The following ST18 variants were observed in gnomAD, a reference collection of about 807,000 sequenced individuals.
ST18 encodes the protein suppression of tumorigenicity 18 protein.
A neutral mutation model predicts 110.0 loss-of-function variants in ST18; 50 were observed. The observed-to-expected ratio is 0.45, with a 90% CI of 0.36 to 0.58. The LOEUF (loss-of-function observed/expected upper bound fraction) is 0.58, where lower values mean the gene tolerates loss of function less well. ST18 is among the 20% of genes least tolerant of loss of function. ST18 has a pLI of 0.00. For missense variants in ST18, 1,306 were observed against 1,280.1 expected (o/e 1.02, Z -0.31); for synonymous variants, 461 against 452.4 (o/e 1.02, Z -0.24).
intron 23 of ST18, 75 bp downstream of exon 23, chr8:52,125,968 AGAATACTTT>A: frequency 1.0e-6 from 1 of 982,640 alleles, no homozygotes; most frequent in Non-Finnish European, 1.5e-6. Context: ...TCCCACCTAG[AGAATACTTT>A]GACACACGGA....
At chr8:52,377,200 AT>A (rs1832746270) in intron 2 of ST18, among the ~76,000 whole-genome samples, 2 of 152,356 alleles carry the variant, frequency 1.3e-5, no homozygotes, top group East Asian at 1.9e-4. Context: ...TAGAAAAAAA[AT>A]AATTATATTA....
intron 8 of ST18, among the ~76,000 whole-genome samples, chr8:52,189,516 C>T (rs1240023330): frequency 6.6e-6 from 1 of 152,172 alleles, no homozygotes; most frequent in Non-Finnish European, 1.5e-5. Flanking sequence ...TGATTCTTGG[C>T]TTTTTGTCTC....
Position 52,364,006 on chromosome 8 carries a change from C to A in ST18, c.-465+45322G>T, listed in dbSNP as rs190815199. On this transcript the variant is annotated intron_variant, in intron 2 of 25. Transcript: ENST00000689386. The stretch of plus-strand genomic sequence containing the variant: ...TTGACAGTATTTTTCAAGATCCCCA[C>A]AACTTGAAAGGACTGTGGTATCGAT... Among the ~76,000 whole-genome samples, 619 of 152,314 alleles carry A rather than the reference C, an allele frequency of 4.1e-3. 4 individuals are homozygous for A. The highest frequency in any genetic ancestry group is 0.01 in the Middle Eastern group (3 of 294).
At chr8:52,113,832 C>T (rs1043001735) in intron 25 of ST18, among the ~76,000 whole-genome samples, 1 of 151,964 alleles carries the variant, frequency 6.6e-6, no homozygotes, top group African/African-American at 2.4e-5. Flanking sequence ...TTTTCCTCCT[C>T]CATCCTCAGA....
At chr8:52,400,969 G>T (rs1473986974) in intron 2 of ST18, among the ~76,000 whole-genome samples, 2 of 152,004 alleles carry the variant, frequency 1.3e-5, no homozygotes, top group Non-Finnish European at 2.9e-5. Flanking sequence ...TTTGTTTCTG[G>T]TTAAACAATT....
chr8:52,354,493 G>A (rs1371585213), intron 2 of ST18, among the ~76,000 whole-genome samples: 1 of 152,206 alleles, frequency 6.6e-6, no homozygotes, highest in Admixed American at 6.5e-5. Flanking sequence ...TGAAGCAAGT[G>A]TCTGATAGAG....
At chr8:52,313,525 C>T (rs368537801) in intron 2 of ST18, 3 of 157,254 alleles carry the variant, frequency 1.9e-5, no homozygotes, top group South Asian at 1.8e-4. Flanking sequence ...GACAGTGTCT[C>T]CCAAAGAGGT....
chr8:52,146,395 T>A (rs2057285591), intron 16 of ST18, among the ~76,000 whole-genome samples: 1 of 152,134 alleles, frequency 6.6e-6, no homozygotes, highest in African/African-American at 2.4e-5. Context: ...TCCTATTAAA[T>A]TTTTCTCAAT....
chr8:52,286,231 A>C (rs1322114469), intron 2 of ST18, among the ~76,000 whole-genome samples: 3 of 152,246 alleles, frequency 2.0e-5, no homozygotes, highest in Non-Finnish European at 4.4e-5. Flanking sequence ...GTCCACACTC[A>C]AAAATGGAAG....
At chr8:52,311,694 A>T (rs2095913765) in intron 2 of ST18, among the ~76,000 whole-genome samples, 1 of 152,210 alleles carries the variant, frequency 6.6e-6, no homozygotes, top group Non-Finnish European at 1.5e-5. Context: ...GAGCATCTGA[A>T]GGAAGAATTG....
At chr8:52,174,300 A>T (rs2066091749) in intron 9 of ST18, among the ~76,000 whole-genome samples, 1 of 152,232 alleles carries the variant, frequency 6.6e-6, no homozygotes, top group Non-Finnish European at 1.5e-5. Context: ...TCTCAATATC[A>T]CAGTTGGCTA....
intron 2 of ST18, among the ~76,000 whole-genome samples, chr8:52,271,655 C>T (rs753063015): frequency 1.3e-5 from 2 of 152,182 alleles, no homozygotes; most frequent in Non-Finnish European, 2.9e-5. Flanking sequence ...ATTCAGACTG[C>T]GATTCTGTCA....
intron 3 of ST18, among the ~76,000 whole-genome samples, chr8:52,223,347 T>C (rs890017270): frequency 2.6e-5 from 4 of 152,192 alleles, no homozygotes; most frequent in Admixed American, 2.6e-4. Context: ...ATCATAGATT[T>C]ATTTATGGGT....
At chr8:52,167,529 T>C (rs1296576140) in intron 10 of ST18, among the ~76,000 whole-genome samples, 1 of 152,204 alleles carries the variant, frequency 6.6e-6, no homozygotes, top group Non-Finnish European at 1.5e-5. Context: ...GCAAGGACAC[T>C]GGCTTGTGTC....
At chr8:52,289,357 C>T (rs1324422000) in intron 2 of ST18, among the ~76,000 whole-genome samples, 2 of 151,942 alleles carry the variant, frequency 1.3e-5, no homozygotes, top group Non-Finnish European at 2.9e-5. Context: ...CTACTTGGGA[C>T]GCTGAGGCAG....
chr8:52,257,611 A>G (rs1222991946), intron 2 of ST18, among the ~76,000 whole-genome samples: 1 of 151,672 alleles, frequency 6.6e-6, no homozygotes, highest in Admixed American at 6.6e-5. Flanking sequence ...CAGAGCTTTT[A>G]CCCAGTTTTA....
intron 6 of ST18, among the ~76,000 whole-genome samples, chr8:52,217,538 G>A (rs534254874): frequency 2.2e-4 from 33 of 152,212 alleles, no homozygotes; most frequent in African/African-American, 7.5e-4. Flanking sequence ...TCTGGGGAGA[G>A]GGGTGAATGC....
chr8:52,127,695 C>G (rs2047598342), intron 22 of ST18, among the ~76,000 whole-genome samples: 1 of 151,866 alleles, frequency 6.6e-6, no homozygotes, highest in Non-Finnish European at 1.5e-5. Flanking sequence ...AATTACATGA[C>G]TTAGAAGCAA....
chr8:52,161,678 G>A lies in ST18; in HGVS notation c.1401-110C>T, dbSNP rs558872355. The A allele has an allele frequency of 7.9e-5, 98 of 1,239,442 alleles. No homozygotes were observed. In the African/African-American group the frequency reaches 1.4e-3, roughly 18 times the overall value. The allele number at this position is 1,239,442 out of a possible 1,614,324, so 76.8% of individuals were successfully genotyped here. ...TGTGTCACTCCTGAAGGTATCCACA[G>A]AGACACTGAACAATAAGAGAGACGG... On this transcript the variant is annotated intron_variant, in intron 13 of 25. Coordinates refer to ENST00000689386, the MANE Select transcript of ST18 (RefSeq NM_001352837.2).
Sources: gnomAD v4.1 joint callset for allele counts (sites outside exome capture counted in the v4.1 genomes callset) on GRCh38, gnomAD v4.1.1 for gene constraint, MANE v1.5 for transcripts, NCBI Gene and HGNC (gene_info 2026-07-23, HGNC 2026-07-21) for gene names.